TRAPPC9: variants seen among roughly 807,000 people sequenced by gnomAD.
The protein encoded by TRAPPC9 is trafficking protein particle complex subunit 9.
In TRAPPC9, 83 loss-of-function variants were observed where a neutral mutation model predicts 124.0. That is an observed-to-expected ratio of 0.67 (90% CI 0.56 to 0.80). The LOEUF (loss-of-function observed/expected upper bound fraction) is 0.80, where lower values mean the gene tolerates loss of function less well. TRAPPC9 is among the 30% of genes least tolerant of loss of function. The pLI is 0.00. For synonymous variants in TRAPPC9, 638 were observed against 617.5 expected, an observed-to-expected ratio of 1.03 and a Z score of -0.49; for missense variants, 1,302 against 1,508.3, an observed-to-expected ratio of 0.86 and a Z score of 2.27.
chr8:139,850,628 T>C (rs542071605), intron 21 of TRAPPC9, among the ~76,000 whole-genome samples: 2 of 152,382 alleles, frequency 1.3e-5, no homozygotes, highest in South Asian at 2.1e-4. Flanking sequence ...AAAACTTTTT[T>C]CTGTGTCAAT....
At chr8:140,359,949 C>T (rs1479937182) in intron 9 of TRAPPC9, 101 bp downstream of exon 9, 1 of 1,532,044 alleles carries the variant, frequency 6.5e-7, no homozygotes, top group South Asian at 1.1e-5. Context: ...CAGCATCTTC[C>T]ACCCACTGAA....
intron 15 of TRAPPC9, among the ~76,000 whole-genome samples, chr8:140,273,507 C>G (rs2065022231): frequency 6.6e-6 from 1 of 152,336 alleles, no homozygotes; most frequent in South Asian, 2.1e-4. Flanking sequence ...GCAGGTGAGG[C>G]TTGCAGTGAA....
chr8:140,008,061 T>TG (rs1272642521), intron 18 of TRAPPC9, among the ~76,000 whole-genome samples: 2 of 152,154 alleles, frequency 1.3e-5, no homozygotes, highest in Non-Finnish European at 2.9e-5. Context: ...GAAGGCTGGG[T>TG]GCCAGCTCCT....
At chr8:139,876,126 T>C (rs532463782) in intron 21 of TRAPPC9, among the ~76,000 whole-genome samples, 7 of 152,312 alleles carry the variant, frequency 4.6e-5, no homozygotes, top group Admixed American at 2.6e-4. Flanking sequence ...GCTCCCCACA[T>C]GATGTCCATG....
At chr8:140,247,095 T>C (rs545541917) in intron 16 of TRAPPC9, among the ~76,000 whole-genome samples, 1 of 152,376 alleles carries the variant, frequency 6.6e-6, no homozygotes, top group African/African-American at 2.4e-5. Flanking sequence ...CTTCTCCCTT[T>C]GAATGCTCAT....
At chr8:139,771,730 T>C (rs941286829) in intron 21 of TRAPPC9, among the ~76,000 whole-genome samples, 2 of 152,188 alleles carry the variant, frequency 1.3e-5, no homozygotes, top group African/African-American at 4.8e-5. Context: ...CGTCAGTGAT[T>C]GAAGCCTGTG....
At chr8:140,050,309 C>T (rs565201918) in intron 17 of TRAPPC9, among the ~76,000 whole-genome samples, 1 of 152,218 alleles carries the variant, frequency 6.6e-6, no homozygotes, top group African/African-American at 2.4e-5. Context: ...ATGAAATATG[C>T]GCATTAGCTA....
intron 17 of TRAPPC9, among the ~76,000 whole-genome samples, chr8:140,168,786 C>A (rs1008374778): frequency 2.6e-5 from 4 of 152,188 alleles, no homozygotes; most frequent in African/African-American, 9.7e-5. Context: ...TTCACTCTCT[C>A]CAGCTTCATG....
At chr8:140,169,998 G>T (rs1395606614) in intron 17 of TRAPPC9, among the ~76,000 whole-genome samples, 1 of 152,202 alleles carries the variant, frequency 6.6e-6, no homozygotes, top group East Asian at 1.9e-4. Context: ...TTGGCCTCCA[G>T]AAGTGCTGGG....
Position 139,896,560 on chromosome 8 carries a change from G to A in TRAPPC9, c.2965-10591C>T, listed in dbSNP as rs576597386. Among the ~76,000 whole-genome samples, 7 of 152,292 alleles carry A rather than the reference G, an allele frequency of 4.6e-5. No homozygotes were observed. The South Asian group carries it at 8.3e-4, about 18-fold the overall frequency. On this transcript the variant is annotated intron_variant, in intron 20 of 22. Transcript: ENST00000438773. ...TGGAAAGAAAAAGAAAGCCAGTGCC[G>A]CTAGCAAGTGGCAGGGGCCAGGCTT...
chr8:140,337,024 C>T lies in TRAPPC9; in HGVS notation c.1495+23026G>A, dbSNP rs1049423231. On this transcript the variant is annotated intron_variant, in intron 9 of 22. Coordinates refer to ENST00000438773, the MANE Select transcript of TRAPPC9 (RefSeq NM_001160372.4). ...GGTACAGTCTTTAGTGGGTGCAGCC[C>T]CTTGTCAGTGTCGGACACTGAGATC... Among the ~76,000 whole-genome samples the T allele has an allele frequency of 2.0e-5, 3 of 152,132 alleles. No individual in the cohort carries two copies. In the South Asian group the frequency reaches 6.2e-4, roughly 31 times the overall value.
intron 21 of TRAPPC9, among the ~76,000 whole-genome samples, chr8:139,761,031 A>G (rs576343598): frequency 1.3e-5 from 2 of 152,210 alleles, no homozygotes; most frequent in Non-Finnish European, 2.9e-5. Flanking sequence ...GCCTCTTGCA[A>G]TCCACCAAGG....
At chr8:140,128,675 C>G (rs747845084) in intron 17 of TRAPPC9, among the ~76,000 whole-genome samples, 5 of 152,214 alleles carry the variant, frequency 3.3e-5, no homozygotes, top group Non-Finnish European at 5.9e-5. Flanking sequence ...CAAGAGAAAA[C>G]TGGGACTCCC....
chr8:140,311,047 GA>G (rs2066282684), intron 10 of TRAPPC9, among the ~76,000 whole-genome samples, 200 bp downstream of exon 10: 1 of 152,190 alleles, frequency 6.6e-6, no homozygotes. Context: ...AGCAGTTACA[GA>G]ATGTCGCTGG....
intron 21 of TRAPPC9, among the ~76,000 whole-genome samples, chr8:139,764,106 C>T (rs1302081671): frequency 1.1e-4 from 16 of 152,104 alleles, no homozygotes; most frequent in Non-Finnish European, 1.6e-4. Flanking sequence ...ATGGCAAGTA[C>T]GGTGAGGGCA....
At chr8:139,979,748 A>G (rs7821410) in intron 19 of TRAPPC9, among the ~76,000 whole-genome samples, 101,082 of 152,018 alleles carry the variant, frequency 0.66, 33,951 homozygotes, top group African/African-American at 0.77. Flanking sequence ...AAGGCTGGGG[A>G]ACCAAGAGAC....
chr8:139,893,794 A>G (rs1830494962), intron 20 of TRAPPC9, among the ~76,000 whole-genome samples: 1 of 152,250 alleles, frequency 6.6e-6, no homozygotes, highest in African/African-American at 2.4e-5. Context: ...ACACACAGCC[A>G]GTACCGTCTA....
intron 17 of TRAPPC9, among the ~76,000 whole-genome samples, chr8:140,083,715 G>A (rs1844000219): frequency 6.6e-6 from 1 of 152,094 alleles, no homozygotes; most frequent in African/African-American, 2.4e-5. Context: ...CACCCAGGCT[G>A]GAGTGCAGTG....
At chr8:139,953,430 T>A (rs565766725) in intron 19 of TRAPPC9, among the ~76,000 whole-genome samples, 21 of 152,218 alleles carry the variant, frequency 1.4e-4, no homozygotes, top group African/African-American at 4.8e-4. Context: ...GAGGCAGAGT[T>A]GCAGTGAGCC....
Sources: allele counts gnomAD v4.1 joint callset (sites outside exome capture counted in the v4.1 genomes callset), GRCh38; gene constraint gnomAD v4.1.1; transcripts MANE v1.5; gene names NCBI Gene and HGNC (gene_info 2026-07-23, HGNC 2026-07-21).